Variants in CACNB2 observed in about 807,000 individuals in gnomAD.
CACNB2 encodes the protein calcium voltage-gated channel auxiliary subunit beta 2.
CACNB2 carries 42 observed loss-of-function variants against 73.3 expected under a neutral mutation model. The observed-to-expected ratio is 0.57, with a 90% confidence interval of 0.45 to 0.74. CACNB2 has a LOEUF of 0.74. Ranked by LOEUF, CACNB2 falls within the 30% of genes least tolerant of loss-of-function variation. The probability of loss-of-function intolerance (pLI) is 0.00; values close to 1 mark genes in which losing one functional copy is unlikely to be tolerated. For missense variants in CACNB2, 940 were observed against 853.0 expected (o/e 1.10, Z -1.27); for synonymous variants, 348 against 310.3 (o/e 1.12, Z -1.28).
At chr10:18,160,818 G>T (rs1449557793) in intron 2 of CACNB2, among the ~76,000 whole-genome samples, 5 of 152,042 alleles carry the variant, frequency 3.3e-5, no homozygotes, top group Admixed American at 3.3e-4. Context: ...TTTGTTTCTG[G>T]AATCTTCACA....
intron 10 of CACNB2, chr10:18,533,480 G>C (rs1305503810): frequency 6.5e-6 from 1 of 152,910 alleles, no homozygotes; most frequent in Non-Finnish European, 1.5e-5. Context: ...TTATACTTTA[G>C]ATTTCTGTAG....
chr10:18,169,501 T>A (rs2033088081), intron 2 of CACNB2, among the ~76,000 whole-genome samples: 1 of 152,214 alleles, frequency 6.6e-6, no homozygotes, highest in Non-Finnish European at 1.5e-5. Context: ...AGAAAATTAG[T>A]GATAACAGGC....
chr10:18,398,872 T>C (rs944221711), intron 2 of CACNB2, among the ~76,000 whole-genome samples: 3 of 152,318 alleles, frequency 2.0e-5, no homozygotes, highest in Non-Finnish European at 4.4e-5. Context: ...TGAAGAGATT[T>C]TTGTTTTTAA....
Position 18,442,988 on chromosome 10 carries a change from ATATATATATGTG to A in CACNB2, c.333+40955_333+40966del, listed in dbSNP as rs1564554023. 3.4e-4 allele frequency among the ~76,000 whole-genome samples: 8 copies of A among 23,738 alleles called. 2 individuals are homozygous for A. The highest frequency in any genetic ancestry group is 3.9e-4 in the Non-Finnish European group (6 of 15,194). The allele number at this position is 23,738 out of a possible 152,430, so 15.6% of individuals were successfully genotyped here. ...TATATATGTGTATATATATATATGTATATATATATGTGTATATATATATATGTATATATATAT... is the reference window on the plus strand; with the variant it reads ...TATATATGTGTATATATATATATGTATATATATATATATGTATATATATAT... On this transcript the variant is annotated intron_variant, in intron 3 of 13. Transcript: ENST00000324631.
chr10:18,218,855 G>C (rs1020458025), intron 2 of CACNB2, among the ~76,000 whole-genome samples: 4 of 151,386 alleles, frequency 2.6e-5, no homozygotes, highest in Non-Finnish European at 4.4e-5. Flanking sequence ...GACAGAATGA[G>C]ACTCCATCTC....
chr10:18,295,541 A>G lies in CACNB2; in HGVS notation c.214-106383A>G, dbSNP rs1218799814. 6.6e-5 allele frequency among the ~76,000 whole-genome samples: 10 copies of G among 152,326 alleles called. No homozygotes were observed. In the South Asian group the frequency reaches 2.1e-3, roughly 32 times the overall value. On this transcript the variant is annotated intron_variant, in intron 2 of 13. Transcript: ENST00000324631. ...GTTCCATATCTATGGTCCTACATAT[A>G]ACAATGATTACTTGTATATGGTACA...
intron 2 of CACNB2, among the ~76,000 whole-genome samples, chr10:18,342,516 A>G (rs7083127): frequency 0.75 from 113,748 of 152,044 alleles, 43,084 homozygotes; most frequent in Middle Eastern, 0.84. Context: ...TTTTAGTCCT[A>G]TCTTTAAGTA....
At chr10:18,327,582 G>A (rs2040634878) in intron 2 of CACNB2, among the ~76,000 whole-genome samples, 1 of 152,070 alleles carries the variant, frequency 6.6e-6, no homozygotes, top group Non-Finnish European at 1.5e-5. Context: ...ATGCTACCGT[G>A]CCCAGCTAAT....
Position 18,253,837 on chromosome 10 carries a change from G to A in CACNB2, c.213+102862G>A, listed in dbSNP as rs181504598. On this transcript the variant is annotated intron_variant, in intron 2 of 13. Coordinates refer to ENST00000324631, the MANE Select transcript of CACNB2 (RefSeq NM_201596.3). The stretch of plus-strand genomic sequence containing the variant: ...AGCATGAAATCTGAAGTTTGGGCGC[G>A]AAGACAATTGGCTGAAGATACAAAA... Among the ~76,000 whole-genome samples, 17 of 152,278 alleles carry A rather than the reference G, an allele frequency of 1.1e-4. No individual in the cohort carries two copies. In the East Asian group the frequency reaches 2.5e-3, roughly 22 times the overall value.
intron 2 of CACNB2, among the ~76,000 whole-genome samples, chr10:18,387,967 C>T (rs1264106126): frequency 6.6e-6 from 1 of 152,050 alleles, no homozygotes; most frequent in African/African-American, 2.4e-5. Context: ...ATGTTGTCCA[C>T]ATTGGTCTCA....
chr10:18,498,507 C>T (rs1263869646), intron 4 of CACNB2, 30 bp downstream of exon 4: 1 of 1,610,164 alleles, frequency 6.2e-7, no homozygotes, highest in Non-Finnish European at 8.5e-7. Context: ...TTTCTAACAG[C>T]ATGATGTTTC....
At chr10:18,398,078 G>A (rs906502732) in intron 2 of CACNB2, among the ~76,000 whole-genome samples, 1 of 152,150 alleles carries the variant, frequency 6.6e-6, no homozygotes, top group Non-Finnish European at 1.5e-5. Flanking sequence ...GGAAACGACC[G>A]CCAGCTGTTC....
rs116423535 is a variant in CACNB2, at chr10:18,428,010, G to A, written c.333+25967G>A. On this transcript the variant is annotated intron_variant, in intron 3 of 13. Transcript: ENST00000324631. The stretch of plus-strand genomic sequence containing the variant: ...TTTTACATTTCTTTTTGAGAACCTG[G>A]TTTTCTGTATCTCACAAAATTTCAT... Among the ~76,000 whole-genome samples, 216 of 151,898 alleles carry A rather than the reference G, an allele frequency of 1.4e-3. 1 individual carries two copies. The highest frequency in any genetic ancestry group is 5.1e-3 in the African/African-American group (210 of 41,460).
chr10:18,257,591 TC>T, intron 2 of CACNB2, among the ~76,000 whole-genome samples: 1 of 152,204 alleles, frequency 6.6e-6, no homozygotes, highest in Non-Finnish European at 1.5e-5. Context: ...TTGCCTGGGA[TC>T]CTTTCTCCCT....
chr10:18,279,924 A>G (rs1353990126), intron 2 of CACNB2, among the ~76,000 whole-genome samples: 1 of 152,172 alleles, frequency 6.6e-6, no homozygotes, highest in African/African-American at 2.4e-5. Flanking sequence ...TACCAAAAAT[A>G]CAAAATTAGA....
chr10:18,514,556 G>A, intron 7 of CACNB2, 187 bp downstream of exon 7: 1 of 1,612,032 alleles, frequency 6.2e-7, no homozygotes, highest in African/African-American at 1.3e-5. Context: ...CATAAGCTGT[G>A]TTTATCCTGC....
At chr10:18,245,901 T>C (rs2036841286) in intron 2 of CACNB2, among the ~76,000 whole-genome samples, 1 of 152,150 alleles carries the variant, frequency 6.6e-6, no homozygotes, top group South Asian at 2.1e-4. Flanking sequence ...CTTATATTAA[T>C]CAGGAGTTGG....
intron 3 of CACNB2, among the ~76,000 whole-genome samples, chr10:18,409,823 C>T (rs74117987): frequency 0.056 from 8,493 of 152,142 alleles, 591 homozygotes; most frequent in African/African-American, 0.15. Context: ...TGGCAGTTGT[C>T]CAAGAAAAGG....
At chr10:18,167,155 T>C (rs1201852904) in intron 2 of CACNB2, among the ~76,000 whole-genome samples, 2 of 152,144 alleles carry the variant, frequency 1.3e-5, no homozygotes, top group Non-Finnish European at 1.5e-5. Flanking sequence ...GCGACATGAG[T>C]GGAACTGGAG....
Sources: gnomAD v4.1 joint callset for allele counts (sites outside exome capture counted in the v4.1 genomes callset) on GRCh38, gnomAD v4.1.1 for gene constraint, MANE v1.5 for transcripts, NCBI Gene and HGNC (gene_info 2026-07-23, HGNC 2026-07-21) for gene names.